Variants in MYSM1 observed in about 807,000 individuals in gnomAD.
The protein encoded by MYSM1 is deubiquitinase MYSM1.
In MYSM1, 51 loss-of-function variants were observed where a neutral mutation model predicts 116.0. The observed-to-expected ratio is 0.44, with a 90% CI of 0.35 to 0.56. The LOEUF (loss-of-function observed/expected upper bound fraction) is 0.56. Among genes scored for constraint, MYSM1 ranks in the 20% least tolerant of loss-of-function variants. The probability of loss-of-function intolerance (pLI) is 0.00; values close to 1 mark genes in which losing one functional copy is unlikely to be tolerated. For missense variants in MYSM1, 900 were observed against 974.9 expected, an observed-to-expected ratio of 0.92 and a Z score of 1.02; for synonymous variants, 313 against 315.2, an observed-to-expected ratio of 0.99 and a Z score of 0.07.
At chr1:58,695,687 C>A (rs1644964062) in intron 1 of MYSM1, among the ~76,000 whole-genome samples, 1 of 150,888 alleles carries the variant, frequency 6.6e-6, no homozygotes, top group African/African-American at 2.4e-5. Context: ...ATGAGAGAAC[C>A]AAAACAGAAA....
chr1:58,698,102 A>ATATATATATATATTTTTTTTTT, intron 1 of MYSM1, among the ~76,000 whole-genome samples: 2 of 7,766 alleles, frequency 2.6e-4, no homozygotes, highest in African/African-American at 5.1e-4. Flanking sequence ...ATATATATAT[A>ATATATATATATATTTTTTTTTT]TTTTTTTTTT....
At position 58,655,948 on chromosome 1, in the gene MYSM1, T is replaced by C. The variant is rs991013296; in HGVS notation, c.*4049A>G. Reference sequence around the variant, plus strand: ...TACTGAATTTCTACTGAGAATTCCATCAACTGCTGTCTGCTGACTTGCGAC... The same window carrying C: ...TACTGAATTTCTACTGAGAATTCCACCAACTGCTGTCTGCTGACTTGCGAC... On this transcript the variant is annotated 3_prime_UTR_variant, in exon 20 of 20. Coordinates refer to ENST00000472487, the MANE Select transcript of MYSM1 (RefSeq NM_001085487.3). 11 of 152,196 alleles carry C rather than the reference T, an allele frequency of 7.2e-5. No homozygotes were observed. Among genetic ancestry groups the C allele is most frequent in the African/African-American group, 2.4e-4 (10 of 41,458 alleles). 9.4% of individuals were successfully genotyped at this position (152,196 alleles called of 1,614,324 possible).
At position 58,655,436 on chromosome 1, in the gene MYSM1, C is replaced by T. The variant is rs1040284352; in HGVS notation, c.*4561G>A. The stretch of plus-strand genomic sequence containing the variant: ...TACCTTCTCAAACTTCTGTTTAGAG[C>T]TCTTGGCATAATCACAGCTCCCCTG... On this transcript the variant is annotated 3_prime_UTR_variant, in exon 20 of 20. Coordinates refer to ENST00000472487, the MANE Select transcript of MYSM1 (RefSeq NM_001085487.3). The T allele has an allele frequency of 6.6e-6, 1 of 151,984 alleles. No homozygotes were observed. The highest frequency in any genetic ancestry group is 1.9e-4 in the East Asian group (1 of 5,182). 9.4% of individuals were successfully genotyped at this position (151,984 alleles called of 1,614,324 possible).
intron 6 of MYSM1, among the ~76,000 whole-genome samples, chr1:58,686,884 A>C (rs1644835004): frequency 6.6e-6 from 1 of 151,982 alleles, no homozygotes; most frequent in Non-Finnish European, 1.5e-5. Flanking sequence ...ATGTGGTCCT[A>C]GCTACTCAGG....
chr1:58,668,708 C>T (rs747037161), intron 13 of MYSM1, 26 bp from the exon 14 acceptor site: 19 of 1,579,820 alleles, frequency 1.2e-5, no homozygotes, highest in South Asian at 2.3e-5. Flanking sequence ...CAAAACAAAA[C>T]GGGGGAGCAT....
intron 6 of MYSM1, 74 bp from the exon 7 acceptor site, chr1:58,685,325 T>TAA (rs5774421): frequency 1.4e-3 from 868 of 631,318 alleles, no homozygotes; most frequent in African/African-American, 3.7e-3. Context: ...ACTACCACAT[T>TAA]AAAAAAAAAA....
chr1:58,670,898 GAA>G (rs1371439570), intron 12 of MYSM1, among the ~76,000 whole-genome samples: 5 of 152,150 alleles, frequency 3.3e-5, no homozygotes, highest in Admixed American at 6.6e-5. Flanking sequence ...ACAATGACTT[GAA>G]AATCACAATA....
intron 13 of MYSM1, 134 bp downstream of exon 13, chr1:58,668,850 A>G: frequency 1.0e-6 from 1 of 987,272 alleles, no homozygotes; most frequent in Non-Finnish European, 1.5e-6. Flanking sequence ...TTAAAATTCC[A>G]GCAGGGAGAA....
intron 12 of MYSM1, 95 bp downstream of exon 12, chr1:58,671,775 T>C (rs1455851762): frequency 3.5e-5 from 31 of 886,506 alleles, no homozygotes; most frequent in Non-Finnish European, 2.4e-5. Flanking sequence ...TTAAACTTAA[T>C]GTGAACAATA....
chr1:58,675,667 T>A (rs952120556), intron 9 of MYSM1, 87 bp from the exon 10 acceptor site: 1 of 948,150 alleles, frequency 1.1e-6, no homozygotes, highest in Non-Finnish European at 1.6e-6. Flanking sequence ...CTGACTATAG[T>A]GGGGCTTCTA....
chr1:58,658,261 A>C lies in MYSM1; in HGVS notation c.*1736T>G, dbSNP rs1185551388. On this transcript the variant is annotated 3_prime_UTR_variant, in exon 20 of 20. Transcript: ENST00000472487. ...AGTTCCTCTTACACTCTCAGCCCTC[A>C]AACTAATTGTTTTATAAGCTATACT... 1.3e-5 allele frequency: 2 copies of C among 152,150 alleles called. No individual in the cohort carries two copies. The highest frequency in any genetic ancestry group is 4.8e-5 in the African/African-American group (2 of 41,442). 9.4% of individuals were successfully genotyped at this position (152,150 alleles called of 1,614,324 possible). A position where few individuals can be genotyped will look rare whatever the true frequency, so the allele number is the denominator to read the frequency against.
chr1:58,681,179 T>C (rs1422180237), intron 8 of MYSM1, among the ~76,000 whole-genome samples: 1 of 152,204 alleles, frequency 6.6e-6, no homozygotes, highest in Admixed American at 6.5e-5. Flanking sequence ...TTTAAAAAAT[T>C]CAAATTAGGC....
rs893510778 is a variant in MYSM1, at chr1:58,668,786, G to C, written c.1717-104C>G. On this transcript the variant is annotated intron_variant, in intron 13 of 19. Transcript: ENST00000472487. ...TGTTCTCCTTTATCCACCCCACCAAGTTCTCAGCACTAACCAAAGCTCAGC... is the reference window on the plus strand; with the variant it reads ...TGTTCTCCTTTATCCACCCCACCAACTTCTCAGCACTAACCAAAGCTCAGC... 4 of 1,105,204 alleles carry C rather than the reference G, an allele frequency of 3.6e-6. No individual in the cohort carries two copies. The African/African-American group carries it at 6.4e-5, about 18-fold the overall frequency. The allele number at this position is 1,105,204 out of a possible 1,614,324, so 68.5% of individuals were successfully genotyped here. A position where few individuals can be genotyped will look rare whatever the true frequency, so the allele number is the denominator to read the frequency against.
intron 6 of MYSM1, 34 bp downstream of exon 6, chr1:58,689,004 T>C (rs752554929): frequency 6.4e-7 from 1 of 1,554,496 alleles, no homozygotes. Context: ...CTTCTAGAAT[T>C]ATTTTACTAA....
Position 58,682,105 on chromosome 1 carries a change from G to C in MYSM1, c.939C>G (p.Asp313Glu). ...TTTTAATCAATTCATTAAATTTCTG[G>C]TCATTTAATTCAATTGATTTTTTGT... ...NGDKKSIELN[D>E]QKFNELIKNC... Residue 313 changes from aspartate to glutamate, a missense_variant, in exon 8 of 20, where the codon GAC becomes GAG. Physicochemically the swap from Asp to Glu is conservative, Grantham distance 45. This residue lies in a region of MYSM1 where 622 missense variants were observed against 623.7 expected (regional missense o/e 1.00). Transcript: ENST00000472487. The C allele has an allele frequency of 6.2e-7, 1 of 1,613,840 alleles. No homozygotes were observed. The highest frequency in any genetic ancestry group is 8.5e-7 in the Non-Finnish European group (1 of 1,179,940).
At chr1:58,669,100 G>C in intron 12 of MYSM1, 62 bp from the exon 13 acceptor site, 1 of 1,255,642 alleles carries the variant, frequency 8.0e-7, no homozygotes, top group Admixed American at 2.5e-5. Context: ...ACATTTATTT[G>C]TAAATCTGAA....
intron 15 of MYSM1, 80 bp from the exon 16 acceptor site, chr1:58,667,306 T>C (rs1202897234): frequency 8.7e-7 from 1 of 1,151,612 alleles, no homozygotes; most frequent in East Asian, 2.8e-5. Flanking sequence ...CTTTCAAAGA[T>C]ACGGAAACTT....
chr1:58,680,911 T>A (rs2100645953), intron 8 of MYSM1, among the ~76,000 whole-genome samples: 1 of 151,820 alleles, frequency 6.6e-6, no homozygotes, highest in South Asian at 2.1e-4. Flanking sequence ...AACCTCTGCC[T>A]CCCAGGTTCA....
chr1:58,660,847 ATTG>A (rs1235023843), intron 19 of MYSM1, among the ~76,000 whole-genome samples: 1 of 152,102 alleles, frequency 6.6e-6, no homozygotes, highest in African/African-American at 2.4e-5. Context: ...AAAATGACCA[ATTG>A]TTAAGGCTAA....
Sources: gnomAD v4.1 joint callset for allele counts (sites outside exome capture counted in the v4.1 genomes callset) on GRCh38, gnomAD v4.1.1 for gene constraint, gnomAD v4.1.1 regional missense constraint, MANE v1.5 for transcripts, NCBI Gene and HGNC (gene_info 2026-07-23, HGNC 2026-07-21) for gene names.